Variants in SAMD12 observed in about 807,000 individuals in gnomAD.
SAMD12 encodes sterile alpha motif domain-containing protein 12.
SAMD12 carries 9 observed loss-of-function variants against 15.0 expected under a neutral mutation model. The ratio of observed to expected loss-of-function variants is 0.60; its 90% CI spans 0.36 to 1.05. The LOEUF (loss-of-function observed/expected upper bound fraction) is 1.05, where lower values mean the gene tolerates loss of function less well. SAMD12 is among the 50% of genes least tolerant of loss of function. The pLI is 0.01. For synonymous variants in SAMD12, 86 were observed against 90.1 expected, an observed-to-expected ratio of 0.96 and a Z score of 0.25; for missense variants, 230 against 234.2, an observed-to-expected ratio of 0.98 and a Z score of 0.12.
chr8:118,302,656 A>G (rs1388846977), intron 4 of SAMD12, among the ~76,000 whole-genome samples: 1 of 152,186 alleles, frequency 6.6e-6, no homozygotes, highest in Non-Finnish European at 1.5e-5. Flanking sequence ...CTCAAAAGGG[A>G]ACTCTGTTGA....
intron 4 of SAMD12, among the ~76,000 whole-genome samples, chr8:118,304,586 C>T (rs1177208306): frequency 6.6e-6 from 1 of 151,728 alleles, no homozygotes; most frequent in African/African-American, 2.4e-5. Flanking sequence ...GGTGAAACCC[C>T]GTCTCTACTA....
At chr8:118,252,150 G>C (rs1006326540) in intron 4 of SAMD12, among the ~76,000 whole-genome samples, 2 of 152,168 alleles carry the variant, frequency 1.3e-5, no homozygotes, top group Non-Finnish European at 2.9e-5. Context: ...GTGTTCTGCA[G>C]TTTAGCTCCT....
chr8:118,436,620 A>T (rs1423047998), intron 3 of SAMD12, among the ~76,000 whole-genome samples: 3 of 152,216 alleles, frequency 2.0e-5, no homozygotes, highest in Admixed American at 2.0e-4. Context: ...AGCAGCACTC[A>T]GGAGAATCTA....
At chr8:118,577,070 A>C (rs1369506063) in intron 2 of SAMD12, among the ~76,000 whole-genome samples, 1 of 152,046 alleles carries the variant, frequency 6.6e-6, no homozygotes, top group Non-Finnish European at 1.5e-5. Context: ...AGAATTTAGG[A>C]CTTATGTTGG....
chr8:118,270,481 C>T (rs1352128290), intron 4 of SAMD12, among the ~76,000 whole-genome samples: 1 of 152,182 alleles, frequency 6.6e-6, no homozygotes, highest in Admixed American at 6.5e-5. Context: ...TCTCCTATCT[C>T]ACTCTATATG....
At chr8:118,167,824 C>CTA in the SAMD12 span, among the ~76,000 whole-genome samples, 1 of 152,086 alleles carries the variant, frequency 6.6e-6, no homozygotes, top group African/African-American at 2.4e-5. Flanking sequence ...TTCTGGCCCA[C>CTA]TATAATGAGC....
At chr8:118,204,547 G>A (rs1303937817) in intron 4 of SAMD12, among the ~76,000 whole-genome samples, 2 of 152,124 alleles carry the variant, frequency 1.3e-5, no homozygotes, top group East Asian at 3.9e-4. Flanking sequence ...GAGGTCAGAA[G>A]ATCGACACCA....
intron 4 of SAMD12, among the ~76,000 whole-genome samples, chr8:118,348,492 C>T (rs1817783387): frequency 6.6e-6 from 1 of 152,110 alleles, no homozygotes. Context: ...CTGCCTCAGC[C>T]TCCCGAGTAG....
intron 2 of SAMD12, among the ~76,000 whole-genome samples, chr8:118,553,436 A>T (rs1826413057): frequency 6.6e-6 from 1 of 152,222 alleles, no homozygotes; most frequent in African/African-American, 2.4e-5. Flanking sequence ...TGGGGAAAGG[A>T]TTCCCTATTT....
chr8:118,377,096 A>T (rs1819426996), downstream of SAMD12, among the ~76,000 whole-genome samples: 1 of 152,136 alleles, frequency 6.6e-6, no homozygotes, highest in South Asian at 2.1e-4. Flanking sequence ...GCCTGACATA[A>T]CATGAGTTTG....
At chr8:118,428,293 T>G (rs1483902015) in intron 3 of SAMD12, among the ~76,000 whole-genome samples, 1 of 152,128 alleles carries the variant, frequency 6.6e-6, no homozygotes, top group Non-Finnish European at 1.5e-5. Flanking sequence ...AAGCCAAGTG[T>G]GATTGTGTGC....
chr8:118,515,363 T>C (rs1390633671), intron 2 of SAMD12, among the ~76,000 whole-genome samples: 1 of 152,074 alleles, frequency 6.6e-6, no homozygotes, highest in Non-Finnish European at 1.5e-5. Context: ...AAGATGCGTC[T>C]GCTTCCACTT....
chr8:118,594,815 G>A (rs927688245), intron 1 of SAMD12, among the ~76,000 whole-genome samples: 1 of 152,086 alleles, frequency 6.6e-6, no homozygotes, highest in Admixed American at 6.6e-5. Context: ...ACACAGGCTG[G>A]CAATATTCCT....
chr8:118,367,467 A>C (rs1292280445), intron 4 of SAMD12, among the ~76,000 whole-genome samples: 1 of 152,230 alleles, frequency 6.6e-6, no homozygotes, highest in Non-Finnish European at 1.5e-5. Context: ...ATCTTTCTTC[A>C]ATGTAACATT....
At chr8:118,606,914 T>C (rs1011190712) in intron 1 of SAMD12, among the ~76,000 whole-genome samples, 1 of 152,186 alleles carries the variant, frequency 6.6e-6, no homozygotes, top group African/African-American at 2.4e-5. Context: ...TACTTTCTGT[T>C]GTTTCACTTG....
intron 4 of SAMD12, among the ~76,000 whole-genome samples, chr8:118,339,259 G>A (rs544186153): frequency 2.7e-4 from 41 of 152,264 alleles, no homozygotes; most frequent in Admixed American, 2.4e-3. Context: ...AGGCTGGGGA[G>A]GTGAGGGCTG....
chr8:118,573,598 T>G (rs2131241377), intron 2 of SAMD12, among the ~76,000 whole-genome samples: 1 of 152,286 alleles, frequency 6.6e-6, no homozygotes, highest in East Asian at 1.9e-4. Flanking sequence ...TAGAGTGAAC[T>G]TTTGAAGAGT....
At chr8:118,161,491 G>A in the SAMD12 span, among the ~76,000 whole-genome samples, 3 of 147,802 alleles carry the variant, frequency 2.0e-5, no homozygotes, top group Non-Finnish European at 4.5e-5. Flanking sequence ...GAGCCCAGAA[G>A]TTCAAGGATG....
chr8:118,282,291 G>C (rs1331697637), intron 4 of SAMD12: 1 of 456,212 alleles, frequency 2.2e-6, no homozygotes, highest in South Asian at 1.5e-5. Flanking sequence ...AAGTGCAAGT[G>C]CCTTGTTTTC....
Sources: gnomAD v4.1 joint callset for allele counts (sites outside exome capture counted in the v4.1 genomes callset) on GRCh38, gnomAD v4.1.1 for gene constraint, MANE v1.5 for transcripts, NCBI Gene and HGNC (gene_info 2026-07-23, HGNC 2026-07-21) for gene names.